PLEKHG1: variants seen among roughly 807,000 people sequenced by gnomAD.
PLEKHG1 encodes the protein pleckstrin homology and RhoGEF domain containing G1, also known as pleckstrin homology domain-containing family G member 1.
A neutral mutation model predicts 100.8 loss-of-function variants in PLEKHG1; 44 were observed. That is an observed-to-expected ratio of 0.44 (90% CI 0.34 to 0.56). The LOEUF is 0.56. Ranked by LOEUF, PLEKHG1 falls within the 20% of genes least tolerant of loss-of-function variation. The pLI is 0.01. For missense variants in PLEKHG1, 1,545 were observed against 1,720.9 expected, an observed-to-expected ratio of 0.90 and a Z score of 1.81; for synonymous variants, 640 against 662.5, an observed-to-expected ratio of 0.97 and a Z score of 0.52.
intron 1 of PLEKHG1, among the ~76,000 whole-genome samples, chr6:150,631,902 C>A (rs2128562017): frequency 6.6e-6 from 1 of 152,272 alleles, no homozygotes; most frequent in African/African-American, 2.4e-5. Context: ...TAGCGGCCTC[C>A]TTCCTGCTAG....
At chr6:150,658,665 A>G (rs1299602324) in intron 3 of PLEKHG1, among the ~76,000 whole-genome samples, 1 of 152,078 alleles carries the variant, frequency 6.6e-6, no homozygotes, top group Non-Finnish European at 1.5e-5. Flanking sequence ...CTAACTCCTA[A>G]CTCTCCTCTT....
intron 6 of PLEKHG1, among the ~76,000 whole-genome samples, chr6:150,801,327 G>A (rs552263421): frequency 5.8e-4 from 88 of 152,150 alleles, no homozygotes; most frequent in Non-Finnish European, 8.4e-4. Flanking sequence ...TGGGCTTAGC[G>A]TCACTTCAGT....
At chr6:150,674,632 C>CTCTCTCTCTCTCTCTCTCTCTCTCTCT (rs1562427503) in intron 3 of PLEKHG1, among the ~76,000 whole-genome samples, 2 of 66,284 alleles carry the variant, frequency 3.0e-5, no homozygotes, top group Non-Finnish European at 5.6e-5. Flanking sequence ...CTCTCTCCTC[C>CTCTCTCTCTCTCTCTCTCTCTCTCTCT]CTCTCTCTCT....
chr6:150,746,914 C>T (rs1308976488), intron 2 of PLEKHG1, among the ~76,000 whole-genome samples: 1 of 152,204 alleles, frequency 6.6e-6, no homozygotes, highest in Non-Finnish European at 1.5e-5. Flanking sequence ...CAAACACTTT[C>T]AAAAATGCCT....
chr6:150,620,796 C>T (rs1777266681), intron 1 of PLEKHG1, among the ~76,000 whole-genome samples: 1 of 152,106 alleles, frequency 6.6e-6, no homozygotes, highest in Non-Finnish European at 1.5e-5. Flanking sequence ...GTGGGGTTTG[C>T]AATCTCTACA....
chr6:150,672,988 T>C (rs1179147335), intron 3 of PLEKHG1, among the ~76,000 whole-genome samples: 1 of 152,232 alleles, frequency 6.6e-6, no homozygotes, highest in Non-Finnish European at 1.5e-5. Context: ...TTACTGTGTT[T>C]GGCAGTCATG....
Position 150,769,600 on chromosome 6 carries a change from AAAAG to A in PLEKHG1, c.512+870_512+873del, listed in dbSNP as rs750594053. ...ACTCCATCTCAAAAAAAAAAAAAAA[AAAAG>A]AAAGAAAAAAGAAAAAGAAAAACAT... is the stretch of plus-strand genomic sequence containing the variant. On this transcript the variant is annotated intron_variant, in intron 3 of 15. Coordinates refer to ENST00000358517, the Ensembl canonical transcript of PLEKHG1. Among the ~76,000 whole-genome samples, 1,081 of 150,420 alleles carry A rather than the reference AAAAG, an allele frequency of 7.2e-3. 11 individuals are homozygous for A. Among genetic ancestry groups the A allele is most frequent in the South Asian group, 0.049 (231 of 4,718 alleles).
chr6:150,830,396 G>A (rs1385870535), intron 14 of PLEKHG1, among the ~76,000 whole-genome samples, 186 bp from the exon 16 acceptor site: 2 of 152,168 alleles, frequency 1.3e-5, no homozygotes, highest in Non-Finnish European at 2.9e-5. Flanking sequence ...GCTGAGGTGG[G>A]AGGATTGCTT....
At chr6:150,743,559 G>T (rs1371450172) in intron 2 of PLEKHG1, among the ~76,000 whole-genome samples, 2 of 152,082 alleles carry the variant, frequency 1.3e-5, no homozygotes, top group Non-Finnish European at 2.9e-5. Flanking sequence ...AAGTAAGAAA[G>T]ATTTTGGTGG....
At chr6:150,797,644 G>A (rs1044664764) in intron 5 of PLEKHG1, among the ~76,000 whole-genome samples, 4 of 151,624 alleles carry the variant, frequency 2.6e-5, no homozygotes, top group Non-Finnish European at 4.4e-5. Flanking sequence ...AGACCAACCC[G>A]GGCAATATGG....
chr6:150,744,972 AGAT>A (rs1210165207), intron 2 of PLEKHG1, among the ~76,000 whole-genome samples: 3 of 152,244 alleles, frequency 2.0e-5, no homozygotes, highest in African/African-American at 7.2e-5. Context: ...AGGAGAGTAT[AGAT>A]GATAGAGGGA....
intron 2 of PLEKHG1, among the ~76,000 whole-genome samples, chr6:150,743,447 G>C (rs1360073113): frequency 1.3e-5 from 2 of 152,118 alleles, no homozygotes; most frequent in Non-Finnish European, 2.9e-5. Flanking sequence ...AATCACTTGA[G>C]CCCGGGAGGT....
At chr6:150,725,291 C>T (rs560166911) in intron 1 of PLEKHG1, among the ~76,000 whole-genome samples, 13 of 152,262 alleles carry the variant, frequency 8.5e-5, no homozygotes, top group African/African-American at 3.1e-4. Flanking sequence ...CCCAACAGCC[C>T]CCCCTCCTAA....
At chr6:150,772,628 G>A (rs1200698972) in intron 3 of PLEKHG1, among the ~76,000 whole-genome samples, 1 of 152,126 alleles carries the variant, frequency 6.6e-6, no homozygotes, top group Admixed American at 6.6e-5. Context: ...CAAAAAATAA[G>A]TCATATGCTT....
At chr6:150,834,763 G>A (rs1162404404) in intron 15 of PLEKHG1, among the ~76,000 whole-genome samples, 1 of 152,068 alleles carries the variant, frequency 6.6e-6, no homozygotes, top group Non-Finnish European at 1.5e-5. Context: ...GGCTCCTGTC[G>A]ACGTTCTCCC....
intron 3 of PLEKHG1, among the ~76,000 whole-genome samples, chr6:150,672,095 A>G (rs1348366409): frequency 6.6e-6 from 1 of 152,156 alleles, no homozygotes; most frequent in Non-Finnish European, 1.5e-5. Flanking sequence ...CCTTGGGCCA[A>G]GGGGTCCCTG....
At chr6:150,681,087 C>T (rs1350725083) in intron 3 of PLEKHG1, among the ~76,000 whole-genome samples, 1 of 152,086 alleles carries the variant, frequency 6.6e-6, no homozygotes, top group Non-Finnish European at 1.5e-5. Context: ...TGGTGTTTCC[C>T]CTGCTTTTCT....
At position 150,824,752 on chromosome 6, in the gene PLEKHG1, A is replaced by G. The variant is rs75934590; in HGVS notation, c.1470+1076A>G. On this transcript the variant is annotated intron_variant, in intron 14 of 15. Transcript: ENST00000358517. Reference sequence around the variant, plus strand: ...ACCAAGTTGGCAACGCCAGTCTGGAACTCCAGACCACAGGTGACCCACCCG... The same window carrying G: ...ACCAAGTTGGCAACGCCAGTCTGGAGCTCCAGACCACAGGTGACCCACCCG... 9.4e-3 allele frequency among the ~76,000 whole-genome samples: 1,426 copies of G among 152,158 alleles called. 23 individuals are homozygous for G. The highest frequency in any genetic ancestry group is 0.027 in the African/African-American group (1,137 of 41,488).
chr6:150,839,228 C>T (rs1172720700), intron 15 of PLEKHG1, among the ~76,000 whole-genome samples: 1 of 152,186 alleles, frequency 6.6e-6, no homozygotes, highest in East Asian at 1.9e-4. Flanking sequence ...AATTCTCCTG[C>T]CTCAGCCTCC....
Sources: allele counts gnomAD v4.1 joint callset (sites outside exome capture counted in the v4.1 genomes callset), GRCh38; gene constraint gnomAD v4.1.1; transcripts MANE v1.5; gene names NCBI Gene and HGNC (gene_info 2026-07-23, HGNC 2026-07-21).